STK32A: variants seen among roughly 807,000 people sequenced by gnomAD.
STK32A encodes serine/threonine kinase 32A.
STK32A carries 41 observed loss-of-function variants against 53.2 expected under a neutral mutation model. The ratio of observed to expected loss-of-function variants is 0.77; its 90% CI spans 0.60 to 1.00. The LOEUF is 1.00. Ranked by LOEUF, STK32A falls within the 50% of genes least tolerant of loss-of-function variation. The pLI is 0.00. For synonymous variants in STK32A, 166 were observed against 162.8 expected (o/e 1.02, Z -0.15); for missense variants, 458 against 485.8 (o/e 0.94, Z 0.54).
intron 5 of STK32A, among the ~76,000 whole-genome samples, chr5:147,326,270 C>T (rs1168018867): frequency 2.6e-5 from 4 of 152,118 alleles, no homozygotes; most frequent in Non-Finnish European, 5.9e-5. Flanking sequence ...CAATCACATC[C>T]ACAGTTATTA....
intron 5 of STK32A, among the ~76,000 whole-genome samples, chr5:147,335,395 T>C (rs955828645): frequency 9.2e-5 from 14 of 152,182 alleles, no homozygotes; most frequent in African/African-American, 3.1e-4. Flanking sequence ...GGAGGGTATC[T>C]TGATTCAACA....
chr5:147,359,236 T>C (rs1409224898), intron 7 of STK32A, among the ~76,000 whole-genome samples: 1 of 152,180 alleles, frequency 6.6e-6, no homozygotes, highest in Non-Finnish European at 1.5e-5. Context: ...CTCAGCTATT[T>C]GAGGGCTCAA....
intron 5 of STK32A, among the ~76,000 whole-genome samples, chr5:147,330,145 G>A (rs1017737577): frequency 1.6e-4 from 24 of 152,240 alleles, no homozygotes; most frequent in African/African-American, 5.1e-4. Flanking sequence ...TTGAGTTCTC[G>A]GCACAGCTGC....
chr5:147,369,341 C>T (rs916642631), intron 8 of STK32A, among the ~76,000 whole-genome samples: 1 of 152,136 alleles, frequency 6.6e-6, no homozygotes, highest in Non-Finnish European at 1.5e-5. Flanking sequence ...CTTCCCATCA[C>T]TTTTCTTGAG....
At chr5:147,360,450 C>CAAAAAAAAAAAAAAAA (rs56690647) in intron 7 of STK32A, among the ~76,000 whole-genome samples, 3 of 81,140 alleles carry the variant, frequency 3.7e-5, no homozygotes, top group Admixed American at 1.4e-4. Context: ...GATTCTGTCT[C>CAAAAAAAAAAAAAAAA]AAAAAAAAAA....
intron 4 of STK32A, among the ~76,000 whole-genome samples, chr5:147,291,846 A>G (rs1001143347): frequency 7.2e-5 from 11 of 152,222 alleles, no homozygotes; most frequent in African/African-American, 2.7e-4. Context: ...CATACTTGTA[A>G]AATAAGCTTT....
At chr5:147,266,799 C>T (rs10059785) in intron 2 of STK32A, among the ~76,000 whole-genome samples, 42,541 of 151,722 alleles carry the variant, frequency 0.28, 6,166 homozygotes, top group Admixed American at 0.35. Context: ...CTGAGGTGGA[C>T]GGATCACCTG....
At chr5:147,399,832 A>G in the STK32A span, among the ~76,000 whole-genome samples, 1 of 152,242 alleles carries the variant, frequency 6.6e-6, no homozygotes, top group Non-Finnish European at 1.5e-5. Context: ...GGATAAATAC[A>G]TACGTACTGC....
At chr5:147,395,421 A>G in the STK32A span, 1 of 1,053,014 alleles carries the variant, frequency 9.5e-7, no homozygotes, top group African/African-American at 1.6e-5. Flanking sequence ...TGCCCCAGTA[A>G]CCTTCTCCCT....
chr5:147,236,824 C>T (rs1369450509), intron 1 of STK32A, among the ~76,000 whole-genome samples: 1 of 152,186 alleles, frequency 6.6e-6, no homozygotes, highest in Non-Finnish European at 1.5e-5. Flanking sequence ...GATTCGACAA[C>T]TTGCAAGGTC....
the STK32A span, chr5:147,401,687 A>T: frequency 6.2e-7 from 1 of 1,614,078 alleles, no homozygotes; most frequent in East Asian, 2.2e-5. Context: ...CTCACCAAAG[A>T]CTACATTTCC....
In STK32A at chr5:147,324,152, T is replaced by G. The variant is rs891764290; in HGVS notation, c.434+81T>G. ...CTGGCTACCTTCAATAAATTCTTAT[T>G]GAACATGACATTTAATCCCCGTTTA... On this transcript the variant is annotated intron_variant, in intron 5 of 12. Coordinates refer to ENST00000397936, the MANE Select transcript of STK32A (RefSeq NM_001112724.2). The G allele has an allele frequency of 7.5e-6, 10 of 1,328,626 alleles. No individual in the cohort carries two copies. In the African/African-American group the frequency reaches 1.2e-4, roughly 16 times the overall value. The allele number at this position is 1,328,626 out of a possible 1,614,324, so 82.3% of individuals were successfully genotyped here. A position where few individuals can be genotyped will look rare whatever the true frequency, so the allele number is the denominator to read the frequency against.
intron 4 of STK32A, among the ~76,000 whole-genome samples, chr5:147,314,183 T>A (rs975889137): frequency 2.6e-5 from 4 of 152,078 alleles, no homozygotes; most frequent in African/African-American, 9.7e-5. Flanking sequence ...ATCATATATC[T>A]ACTAAAGGAT....
At chr5:147,326,977 C>T (rs1179545734) in intron 5 of STK32A, among the ~76,000 whole-genome samples, 2 of 152,082 alleles carry the variant, frequency 1.3e-5, no homozygotes, top group Non-Finnish European at 2.9e-5. Context: ...CCTCAGCCTC[C>T]CAAAACTCTG....
chr5:147,378,940 G>GT (rs145437189), intron 11 of STK32A, among the ~76,000 whole-genome samples: 29,495 of 124,018 alleles, frequency 0.24, 3,833 homozygotes, highest in East Asian at 0.59. Flanking sequence ...TTTGAAAATA[G>GT]TTTTTTTTTC....
downstream of STK32A, chr5:147,390,785 A>G (rs1197030935): frequency 6.6e-6 from 1 of 152,642 alleles, no homozygotes; most frequent in African/African-American, 2.4e-5. Flanking sequence ...ACATCACACA[A>G]AGAAGAAGAC....
intron 4 of STK32A, among the ~76,000 whole-genome samples, chr5:147,303,754 G>C (rs1468083124): frequency 6.6e-6 from 1 of 152,190 alleles, no homozygotes; most frequent in Non-Finnish European, 1.5e-5. Flanking sequence ...GTAGTGCTCT[G>C]AAAGGGTTCA....
At chr5:147,304,660 C>G (rs765247283) in intron 4 of STK32A, among the ~76,000 whole-genome samples, 1 of 152,106 alleles carries the variant, frequency 6.6e-6, no homozygotes, top group Non-Finnish European at 1.5e-5. Context: ...GGAAACTAGA[C>G]AGAAAGACAA....
chr5:147,241,410 C>T (rs11167965), intron 2 of STK32A, among the ~76,000 whole-genome samples: 61,915 of 151,886 alleles, frequency 0.41, 12,769 homozygotes, highest in Admixed American at 0.45. Context: ...ACCCGGGAGG[C>T]GGAGCTTGCA....
Sources: gnomAD v4.1 joint callset for allele counts (sites outside exome capture counted in the v4.1 genomes callset) on GRCh38, gnomAD v4.1.1 for gene constraint, MANE v1.5 for transcripts, NCBI Gene and HGNC (gene_info 2026-07-23, HGNC 2026-07-21) for gene names.